TNFAIP8: variants seen among roughly 807,000 people sequenced by gnomAD.
TNFAIP8 encodes TNF alpha induced protein 8.
In TNFAIP8, 7 loss-of-function variants were observed where a neutral mutation model predicts 13.3. The ratio of observed to expected loss-of-function variants is 0.52; its 90% CI spans 0.30 to 0.99. The LOEUF is 0.99. Ranked by LOEUF, TNFAIP8 falls within the 50% of genes least tolerant of loss-of-function variation. TNFAIP8 has a pLI of 0.07. For missense variants in TNFAIP8, 258 were observed against 236.9 expected (o/e 1.09, Z -0.58); for synonymous variants, 94 against 87.6 (o/e 1.07, Z -0.41).
chr5:119,392,427 G>A (rs998065545), intron 1 of TNFAIP8, among the ~76,000 whole-genome samples: 1 of 151,774 alleles, frequency 6.6e-6, no homozygotes, highest in African/African-American at 2.4e-5. Flanking sequence ...GTCTCGCTGT[G>A]TCACCCAGGC....
chr5:119,276,190 T>C (rs1297531304), intron 1 of TNFAIP8, among the ~76,000 whole-genome samples: 2 of 151,938 alleles, frequency 1.3e-5, no homozygotes, highest in African/African-American at 4.8e-5. Context: ...CAAACTTGGC[T>C]CACTGCAACC....
chr5:119,303,345 A>T (rs1399520609), intron 1 of TNFAIP8, among the ~76,000 whole-genome samples: 1 of 152,214 alleles, frequency 6.6e-6, no homozygotes, highest in African/African-American at 2.4e-5. Flanking sequence ...TTTGCCACTG[A>T]CAACATGTTA....
In TNFAIP8 at chr5:119,398,647, T is replaced by G. The variant is rs1753126908; in HGVS notation, c.*5266T>G. On this transcript the variant is annotated 3_prime_UTR_variant, in exon 2 of 2. Transcript: ENST00000504771. ...GTGAGCCAAGATTACACCACTGCAC[T>G]CCAGCCTGGGCAACAAGAGTGAGAC... The G allele has an allele frequency of 1.3e-5, 2 of 151,086 alleles. No individual in the cohort carries two copies. Among genetic ancestry groups the G allele is most frequent in the Non-Finnish European group, 2.9e-5 (2 of 67,878 alleles). 9.4% of individuals were successfully genotyped at this position (151,086 alleles called of 1,614,324 possible).
In TNFAIP8 at chr5:119,383,497, T is replaced by C. The variant is rs141285871; in HGVS notation, c.32-9319T>C. Among the ~76,000 whole-genome samples the C allele has an allele frequency of 4.5e-3, 691 of 152,364 alleles. 2 individuals are homozygous for C. The highest frequency in any genetic ancestry group is 0.015 in the African/African-American group (632 of 41,580). The stretch of plus-strand genomic sequence containing the variant: ...AATGTGTGTGTGGGAACAAAGGTCA[T>C]AGCCCGTATTTCTCCAGCATTTTAC... On this transcript the variant is annotated intron_variant, in intron 1 of 1. Coordinates refer to ENST00000504771, the MANE Select transcript of TNFAIP8 (RefSeq NM_014350.4).
chr5:119,358,748 T>G (rs145273700), intron 1 of TNFAIP8, among the ~76,000 whole-genome samples: 7 of 152,302 alleles, frequency 4.6e-5, no homozygotes, highest in Admixed American at 3.3e-4. Flanking sequence ...GTAGTTAAAG[T>G]GAGTGGCAGT....
chr5:119,311,681 T>C (rs1749732257), intron 1 of TNFAIP8, among the ~76,000 whole-genome samples: 1 of 43,864 alleles, frequency 2.3e-5, no homozygotes, highest in African/African-American at 9.3e-5. Flanking sequence ...AGAGTGAGAC[T>C]CCGTCTCAAA....
chr5:119,296,103 T>C (rs1320121565), intron 1 of TNFAIP8, among the ~76,000 whole-genome samples: 1 of 148,952 alleles, frequency 6.7e-6, no homozygotes, highest in African/African-American at 2.5e-5. Context: ...CTTTTCCTAA[T>C]TGAATACCCT....
chr5:119,363,230 C>T (rs559021293), intron 1 of TNFAIP8, among the ~76,000 whole-genome samples: 15 of 152,332 alleles, frequency 9.8e-5, no homozygotes, highest in African/African-American at 3.4e-4. Flanking sequence ...AAGATTGCTT[C>T]GTCTTCCTTT....
At chr5:119,275,061 T>C (rs964692670) in intron 1 of TNFAIP8, among the ~76,000 whole-genome samples, 1 of 149,234 alleles carries the variant, frequency 6.7e-6, no homozygotes, top group Non-Finnish European at 1.5e-5. Flanking sequence ...AAGTACAGAG[T>C]GGCTTTAAAG....
intron 1 of TNFAIP8, among the ~76,000 whole-genome samples, chr5:119,308,647 G>A (rs1278973544): frequency 1.3e-5 from 2 of 151,822 alleles, no homozygotes; most frequent in Admixed American, 6.6e-5. Flanking sequence ...GGTAGATCAC[G>A]AGGTCAGGAG....
At chr5:119,351,788 CTTTT>C (rs1177061965), upstream of TNFAIP8, among the ~76,000 whole-genome samples, 2 of 138,238 alleles carry the variant, frequency 1.4e-5, no homozygotes, top group African/African-American at 5.9e-5. Context: ...TTTTCTTTTT[CTTTT>C]TTTCTTTTTT....
At chr5:119,377,136 G>A (rs1177713211) in intron 1 of TNFAIP8, among the ~76,000 whole-genome samples, 1 of 152,166 alleles carries the variant, frequency 6.6e-6, no homozygotes, top group Non-Finnish European at 1.5e-5. Flanking sequence ...GGGCCTGGTG[G>A]CTCATCCAGT....
intron 1 of TNFAIP8, among the ~76,000 whole-genome samples, chr5:119,269,094 G>T (rs948193680): frequency 2.6e-5 from 4 of 152,212 alleles, no homozygotes; most frequent in Non-Finnish European, 4.4e-5. Context: ...GTGCAGGAGC[G>T]CACAGCCTCG....
intron 1 of TNFAIP8, chr5:119,391,240 T>G (rs945000353): frequency 1.8e-6 from 1 of 551,754 alleles, no homozygotes; most frequent in African/African-American, 1.9e-5. Context: ...TGCTTCCTAA[T>G]GATGCTAGCC....
intron 1 of TNFAIP8, among the ~76,000 whole-genome samples, chr5:119,321,012 T>C (rs1409929812): frequency 6.6e-6 from 1 of 152,152 alleles, no homozygotes; most frequent in South Asian, 2.1e-4. Flanking sequence ...GTCAGGAGAT[T>C]GAGGCCATCC....
At chr5:119,283,061 G>A (rs1034748364) in intron 1 of TNFAIP8, among the ~76,000 whole-genome samples, 6 of 152,222 alleles carry the variant, frequency 3.9e-5, no homozygotes, top group African/African-American at 1.4e-4. Flanking sequence ...AGACAGGTGA[G>A]TTGGTGACCT....
intron 1 of TNFAIP8, among the ~76,000 whole-genome samples, chr5:119,305,973 G>A (rs944306893): frequency 7.9e-5 from 12 of 152,116 alleles, no homozygotes; most frequent in East Asian, 3.9e-4. Context: ...CCAGTGTTGC[G>A]TGTGGTTGGC....
At chr5:119,354,856 C>T (rs1364330236), upstream of TNFAIP8, 1 of 158,920 alleles carries the variant, frequency 6.3e-6, no homozygotes, top group Non-Finnish European at 1.4e-5. Flanking sequence ...TATATAAAAT[C>T]GGAAACGAAG....
intron 1 of TNFAIP8, among the ~76,000 whole-genome samples, chr5:119,364,640 G>T (rs544342546): frequency 6.6e-6 from 1 of 151,300 alleles, no homozygotes; most frequent in South Asian, 2.1e-4. Flanking sequence ...GAGCCACCGC[G>T]CCCAGTTATC....
Sources: gnomAD v4.1 joint callset for allele counts (sites outside exome capture counted in the v4.1 genomes callset) on GRCh38, gnomAD v4.1.1 for gene constraint, MANE v1.5 for transcripts, NCBI Gene and HGNC (gene_info 2026-07-23, HGNC 2026-07-21) for gene names.